Variants in NOA1 observed in about 807,000 individuals in gnomAD.
The protein encoded by NOA1 is nitric oxide associated 1.
A neutral mutation model predicts 58.4 loss-of-function variants in NOA1; 35 were observed. That is an observed-to-expected ratio of 0.60 (90% CI 0.46 to 0.79). The LOEUF is 0.79. NOA1 is among the 30% of genes least tolerant of loss of function. The pLI, the probability that NOA1 is intolerant of heterozygous loss-of-function variation, is 0.00. For synonymous variants in NOA1, 397 were observed against 373.4 expected (o/e 1.06, Z -0.73); for missense variants, 895 against 894.6 (o/e 1.00, Z -0.01).
At chr4:56,966,018 CTTTTTTT>C (rs57382498) in intron 5 of NOA1, among the ~76,000 whole-genome samples, 2 of 88,562 alleles carry the variant, frequency 2.3e-5, no homozygotes, top group African/African-American at 4.6e-5. Context: ...AGCAAATTTT[CTTTTTTT>C]TTTTTTTTTT....
chr4:56,976,338 G>T, intron 1 of NOA1, 104 bp downstream of exon 1: 1 of 977,976 alleles, frequency 1.0e-6, no homozygotes, highest in Non-Finnish European at 1.5e-6. Context: ...GAAGGGTACA[G>T]GCAGCCCGCA....
chr4:56,969,752 G>T (rs1289905628), intron 3 of NOA1, among the ~76,000 whole-genome samples: 3 of 152,068 alleles, frequency 2.0e-5, no homozygotes, highest in African/African-American at 7.2e-5. Context: ...ACTTTCAGAG[G>T]CAGCGGCAGG....
At chr4:56,974,378 G>A (rs1191816390) in intron 1 of NOA1, among the ~76,000 whole-genome samples, 5 of 152,338 alleles carry the variant, frequency 3.3e-5, no homozygotes, top group African/African-American at 1.2e-4. Context: ...CTGGCTGAGC[G>A]TAGTGGCTCA....
At chr4:56,969,201 G>T (rs1721768067) in intron 3 of NOA1, among the ~76,000 whole-genome samples, 1 of 152,226 alleles carries the variant, frequency 6.6e-6, no homozygotes, top group Non-Finnish European at 1.5e-5. Flanking sequence ...ACAAGATTCT[G>T]CAAAGATTTA....
intron 1 of NOA1, among the ~76,000 whole-genome samples, chr4:56,975,728 T>A (rs1721899291): frequency 6.6e-6 from 1 of 152,138 alleles, no homozygotes; most frequent in Non-Finnish European, 1.5e-5. Context: ...ATATAAAAAT[T>A]AGCTGGGCAT....
At position 56,976,697 on chromosome 4, in the gene NOA1, C is replaced by G. The variant is rs778665399; in HGVS notation, c.889G>C (p.Gly297Arg). 6.2e-7 allele frequency: 1 copy of G among 1,613,482 alleles called. No individual in the cohort carries two copies. The highest frequency in any genetic ancestry group is 2.2e-5 in the East Asian group (1 of 44,854). ...QRPVKDEPQD[G>R]ENPNPPNWSR... ...CAGTTCGGCGGATTCGGATTCTCCC[C>G]GTCCTGTGGCTCGTCCTTGACGGGG... Residue 297 changes from glycine to arginine, a missense_variant, in exon 1 of 7, where the codon GGG becomes CGG. By Grantham distance (125) the Gly-to-Arg change is moderately radical. Transcript: ENST00000264230.
intron 3 of NOA1, among the ~76,000 whole-genome samples, chr4:56,971,740 A>C (rs567362368): frequency 6.6e-6 from 1 of 152,344 alleles, no homozygotes; most frequent in South Asian, 2.1e-4. Context: ...AAATATAAAA[A>C]GTAATGAGAT....
chr4:56,965,534 C>CTA (rs969599567), intron 5 of NOA1, among the ~76,000 whole-genome samples: 17 of 151,608 alleles, frequency 1.1e-4, no homozygotes, highest in African/African-American at 1.5e-4. Context: ...AGTAAAGAAG[C>CTA]TATATATATA....
intron 3 of NOA1, among the ~76,000 whole-genome samples, chr4:56,972,178 G>T (rs1279757703): frequency 6.6e-6 from 1 of 152,178 alleles, no homozygotes; most frequent in African/African-American, 2.4e-5. Flanking sequence ...GAGCCACTGC[G>T]CCCGGTCGGA....
chr4:56,968,355 C>A (rs748836717), intron 4 of NOA1, 29 bp downstream of exon 4: 16 of 1,593,336 alleles, frequency 1.0e-5, no homozygotes, highest in Middle Eastern at 1.7e-4. Flanking sequence ...ATTTTAAAAT[C>A]ATTTTTTAAT....
In NOA1 at chr4:56,966,427, T is replaced by C. The variant is rs62310290; in HGVS notation, c.1764+193A>G. 3.4e-3 allele frequency among the ~76,000 whole-genome samples: 525 copies of C among 152,344 alleles called. 1 individual carries two copies. The highest frequency in any genetic ancestry group is 5.8e-3 in the Non-Finnish European group (393 of 68,030). ...TAGTCTAGAGAAAAAAATAGCTGTGTGGCTATTCTAGGATCAGTCTATATA... is the reference window on the plus strand; with the variant it reads ...TAGTCTAGAGAAAAAAATAGCTGTGCGGCTATTCTAGGATCAGTCTATATA... On this transcript the variant is annotated intron_variant, in intron 5 of 6. Coordinates refer to ENST00000264230, the MANE Select transcript of NOA1 (RefSeq NM_032313.4).
chr4:56,977,101 TCTCGGGGCAGGTAGCCGGG>T lies in NOA1; in HGVS notation c.466_484del (p.Pro156ArgfsTer35). ...TGCCTCCGCCGTGCGGAGGAACTTC[TCTCGGGGCAGGTAGCCGGG>T]CACTCCGGCGTCCTGGCAGTGCAGC... is the stretch of plus-strand genomic sequence containing the variant. On this transcript the variant is annotated frameshift_variant, in exon 1 of 7. Coordinates refer to ENST00000264230, the MANE Select transcript of NOA1 (RefSeq NM_032313.4). LOFTEE classifies it high-confidence loss of function. 1 of 1,565,946 alleles carries T rather than the reference TCTCGGGGCAGGTAGCCGGG, an allele frequency of 6.4e-7. No homozygotes were observed. Among genetic ancestry groups the T allele is most frequent in the Non-Finnish European group, 8.6e-7 (1 of 1,158,934 alleles).
intron 3 of NOA1, 131 bp from the exon 4 acceptor site, chr4:56,968,646 T>G: frequency 1.5e-6 from 1 of 683,136 alleles, no homozygotes; most frequent in South Asian, 2.1e-5. Flanking sequence ...TGTCAGAGTT[T>G]GCTATGCATC....
At chr4:56,972,079 G>A (rs1355709316) in intron 3 of NOA1, among the ~76,000 whole-genome samples, 1 of 151,258 alleles carries the variant, frequency 6.6e-6, no homozygotes, top group Non-Finnish European at 1.5e-5. Flanking sequence ...GTACAGACAG[G>A]GTTTCACCGT....
Position 56,965,962 on chromosome 4 carries a change from G to A in NOA1, c.1764+658C>T, listed in dbSNP as rs530928147. Among the ~76,000 whole-genome samples, 4 of 148,120 alleles carry A rather than the reference G, an allele frequency of 2.7e-5. No homozygotes were observed. The East Asian group carries it at 5.9e-4, about 22-fold the overall frequency. ...AGTGGTCCTCCTGCCTTAACCTCTC[G>A]AGGAGCTGGGATTACAGGTGCATGC... On this transcript the variant is annotated intron_variant, in intron 5 of 6. Coordinates refer to ENST00000264230, the MANE Select transcript of NOA1 (RefSeq NM_032313.4).
At position 56,977,196 on chromosome 4, in the gene NOA1, C is replaced by T. The variant is rs1466496791; in HGVS notation, c.390G>A (p.Pro130=). ...RSREHPVVGH[P]DPALPPSGVN... ...CGCCGCTGGGCGGCAATGCCGGGTC[C>T]GGGTGCCCCACGACCGGGTGCTCCC... Residue 130 remains proline (P), a synonymous_variant, in exon 1 of 7, where the codon CCG becomes CCA. Coordinates refer to ENST00000264230, the MANE Select transcript of NOA1 (RefSeq NM_032313.4). 6.4e-7 allele frequency: 1 copy of T among 1,568,058 alleles called. No homozygotes were observed. Among genetic ancestry groups the T allele is most frequent in the Admixed American group, 1.9e-5 (1 of 53,258 alleles).
intron 1 of NOA1, 37 bp downstream of exon 1, chr4:56,976,405 G>A (rs201851328): frequency 2.0e-5 from 31 of 1,572,310 alleles, no homozygotes; most frequent in Non-Finnish European, 2.5e-5. Context: ...CGTCCACCTT[G>A]CCAGGAAACG....
chr4:56,964,149 C>T (rs1478278105), intron 6 of NOA1, among the ~76,000 whole-genome samples: 1 of 151,564 alleles, frequency 6.6e-6, no homozygotes, highest in East Asian at 1.9e-4. Context: ...CTCACCGCAA[C>T]CTCCGCCTCC....
Position 56,963,624 on chromosome 4 carries a change from C to A in NOA1, c.1923G>T (p.Leu641=), listed in dbSNP as rs1416334667. ...VSVTPNFKDR[L]HLRGYTPEGT... ...CTTCAGGTGTATAGCCTCGGAGATG[C>A]AGTCTGTCCTTAAAATTAGGTGTTA... The change falls in exon 7 of 7, where the codon CTG becomes CTT. Residue 641 remains leucine (L), a synonymous_variant. Coordinates refer to ENST00000264230, the MANE Select transcript of NOA1 (RefSeq NM_032313.4). The A allele has an allele frequency of 1.2e-6, 2 of 1,614,066 alleles. No homozygotes were observed. The highest frequency in any genetic ancestry group is 1.7e-5 in the Admixed American group (1 of 59,998).
Sources: gnomAD v4.1 joint callset for allele counts (sites outside exome capture counted in the v4.1 genomes callset) on GRCh38, gnomAD v4.1.1 for gene constraint, MANE v1.5 for transcripts, NCBI Gene and HGNC (gene_info 2026-07-23, HGNC 2026-07-21) for gene names.